The following COL4A1 variants were observed in gnomAD, a reference collection of about 807,000 sequenced individuals.
COL4A1 encodes the protein collagen type IV alpha 1 chain, also known as collagen alpha-1(IV) chain.
A neutral mutation model predicts 216.6 loss-of-function variants in COL4A1; 40 were observed. The observed-to-expected ratio is 0.18, with a 90% CI of 0.14 to 0.24. The LOEUF is 0.24. Ranked by LOEUF, COL4A1 falls within the 10% of genes least tolerant of loss-of-function variation. The pLI, the probability that COL4A1 is intolerant of heterozygous loss-of-function variation, is 1.00. For missense variants in COL4A1, 1,628 were observed against 2,196.8 expected, an observed-to-expected ratio of 0.74 and a Z score of 5.18; for synonymous variants, 839 against 810.7, an observed-to-expected ratio of 1.03 and a Z score of -0.59.
intron 8 of COL4A1, among the ~76,000 whole-genome samples, chr13:110,210,848 A>C (rs1380189560): frequency 1.3e-5 from 2 of 151,968 alleles, no homozygotes; most frequent in African/African-American, 2.4e-5. Flanking sequence ...CTGCCCACAC[A>C]CCACCTTCAG....
In COL4A1 at chr13:110,213,310, A is replaced by G. The variant is rs147346801; in HGVS notation, c.279+472T>C. Among the ~76,000 whole-genome samples the G allele has an allele frequency of 2.7e-3, 412 of 152,362 alleles. 3 individuals are homozygous for G. The highest frequency in any genetic ancestry group is 8.7e-3 in the African/African-American group (360 of 41,586). On this transcript the variant is annotated intron_variant, in intron 4 of 51. Coordinates refer to ENST00000375820, the MANE Select transcript of COL4A1 (RefSeq NM_001845.6). Reference sequence around the variant, plus strand: ...ATAAGTTTTTAAAAGCTGACTGCTGATCCCTTCAAACATAAGGCTGCCCAT... The same window carrying G: ...ATAAGTTTTTAAAAGCTGACTGCTGGTCCCTTCAAACATAAGGCTGCCCAT...
chr13:110,189,282 C>T (rs1032836323), intron 24 of COL4A1, among the ~76,000 whole-genome samples: 17 of 152,342 alleles, frequency 1.1e-4, no homozygotes, highest in African/African-American at 3.4e-4. Context: ...AGGCCGGTCT[C>T]GAACTCCCGA....
chr13:110,202,068 C>A (rs180990182), intron 18 of COL4A1, among the ~76,000 whole-genome samples: 1 of 152,090 alleles, frequency 6.6e-6, no homozygotes, highest in African/African-American at 2.4e-5. Context: ...GCCAGGCAGG[C>A]GGTTCTGCTT....
At position 110,161,218 on chromosome 13, in the gene COL4A1, C is replaced by T. The variant is rs2138427633; in HGVS notation, c.4614G>A (p.Gly1538=). ...TACTAATAAATGGTCTTATGTTTTC[C>T]CCCGTGATGGGTGCCATTGACATGG... ...PMPMSMAPIT[G]ENIRPFISRC... Residue 1538 remains glycine (G), a synonymous_variant, in exon 49 of 52, where the codon GGG becomes GGA. Coordinates refer to ENST00000375820, the MANE Select transcript of COL4A1 (RefSeq NM_001845.6). 1 of 1,614,194 alleles carries T rather than the reference C, an allele frequency of 6.2e-7. No individual in the cohort carries two copies.
At chr13:110,212,327 C>A in intron 6 of COL4A1, 90 bp downstream of exon 6, 1 of 1,489,644 alleles carries the variant, frequency 6.7e-7, no homozygotes, top group Non-Finnish European at 9.3e-7. Context: ...GCAAATAAAA[C>A]TCTATTAACA....
chr13:110,169,668 G>A lies in COL4A1; in HGVS notation c.3837C>T (p.Val1279=), dbSNP rs1877515585. Residue 1279 remains valine, a synonymous_variant, in exon 43 of 52, where the codon GTC becomes GTT. Coordinates refer to ENST00000375820, the MANE Select transcript of COL4A1 (RefSeq NM_001845.6). ...GNPGWPGAPG[V]PGPKGDPGFQ... Reference sequence around the variant, plus strand: ...ATCCAGGGTCTCCCTTGGGCCCTGGGACACCGGGTGCTCCTGGCCAGCCTG... The same window carrying A: ...ATCCAGGGTCTCCCTTGGGCCCTGGAACACCGGGTGCTCCTGGCCAGCCTG... The A allele has an allele frequency of 6.2e-6, 10 of 1,614,120 alleles. No homozygotes were observed. Among genetic ancestry groups the A allele is most frequent in the Non-Finnish European group, 8.5e-6 (10 of 1,180,022 alleles).
Position 110,179,004 on chromosome 13 carries a change from C to A in COL4A1, c.2377G>T (p.Val793Leu), listed in dbSNP as rs769302846. 1.2e-6 allele frequency: 2 copies of A among 1,611,490 alleles called. No individual in the cohort carries two copies. The highest frequency in any genetic ancestry group is 1.3e-5 in the African/African-American group (1 of 74,840). Residue 793 changes from valine (V) to leucine (L), a missense_variant, in exon 31 of 52, where the codon GTG becomes TTG. By Grantham distance (32) the Val-to-Leu change is conservative. This residue lies in a region of COL4A1 where 701 missense variants were observed against 892.5 expected (regional missense o/e 0.79). Coordinates refer to ENST00000375820, the MANE Select transcript of COL4A1 (RefSeq NM_001845.6). ...EPGPPGLPGS[V>L]GSPGVPGIGP... is the part of the protein sequence containing the mutation. ...ATTCCTGGAACTCCTGGAGACCCCA[C>A]GGAGCCTGGCAATCCAGGAGGTCCC...
intron 37 of COL4A1, 106 bp downstream of exon 37, chr13:110,175,112 T>A (rs1877821785): frequency 7.1e-7 from 1 of 1,398,678 alleles, no homozygotes. Flanking sequence ...GGACTCCCTG[T>A]GTGTTATGGC....
Position 110,259,421 on chromosome 13 carries a change from G to A in COL4A1, c.85-16687C>T, listed in dbSNP as rs140603937. ...TACTACTTAAAAAAAATTTTTAAGC[G>A]TGTCTACAAAATCTAGGTGGAGCAA... On this transcript the variant is annotated intron_variant, in intron 1 of 51. Transcript: ENST00000375820. 2.2e-4 allele frequency among the ~76,000 whole-genome samples: 34 copies of A among 152,222 alleles called. No individual in the cohort carries two copies. In the East Asian group the frequency reaches 5.6e-3, roughly 25 times the overall value.
intron 15 of COL4A1, among the ~76,000 whole-genome samples, chr13:110,206,182 G>A (rs1332166837): frequency 6.6e-6 from 1 of 152,246 alleles, no homozygotes; most frequent in East Asian, 1.9e-4. Flanking sequence ...TTATGCAAAT[G>A]CTTCATTTAA....
At chr13:110,219,902 G>GTATATATGTGTGTATATATATGTA (rs1880374416) in intron 2 of COL4A1, among the ~76,000 whole-genome samples, 1 of 108,368 alleles carries the variant, frequency 9.2e-6, no homozygotes, top group African/African-American at 3.7e-5. Flanking sequence ...GTATATATAT[G>GTATATATGTGTGTATATATATGTA]TATATATATG....
intron 40 of COL4A1, 64 bp downstream of exon 40, chr13:110,173,836 A>G (rs989495576): frequency 6.3e-7 from 1 of 1,586,176 alleles, no homozygotes; most frequent in Non-Finnish European, 8.7e-7. Flanking sequence ...GAACACAGGC[A>G]GTCTGCAGGT....
At position 110,205,551 on chromosome 13, in the gene COL4A1, G is replaced by T. The variant is rs1879467140; in HGVS notation, c.859-13C>A. 6.2e-7 allele frequency: 1 copy of T among 1,613,228 alleles called. No individual in the cohort carries two copies. Among genetic ancestry groups the T allele is most frequent in the South Asian group, 1.1e-5 (1 of 91,054 alleles). ...TTCCGGGTTTGCCCTGTAGAATAAA[G>T]ATGTAAACGTTAGTATTTAATAAAT... On this transcript the variant is annotated splice_polypyrimidine_tract_variant and intron_variant, in intron 15 of 51. Coordinates refer to ENST00000375820, the MANE Select transcript of COL4A1 (RefSeq NM_001845.6).
At chr13:110,194,610 A>G (rs1878795198) in intron 22 of COL4A1, among the ~76,000 whole-genome samples, 2 of 152,318 alleles carry the variant, frequency 1.3e-5, no homozygotes, top group African/African-American at 4.8e-5. Context: ...CCACTGGAAG[A>G]ATTGGTGAGC....
At chr13:110,155,175 A>C (rs1876716534) in intron 50 of COL4A1, 108 bp downstream of exon 50, 3 of 820,876 alleles carry the variant, frequency 3.7e-6, no homozygotes, top group Non-Finnish European at 6.4e-6. Context: ...GAGGGGCTTA[A>C]GCAGCGAGAT....
At chr13:110,168,983 A>G (rs1433968140) in intron 43 of COL4A1, among the ~76,000 whole-genome samples, 1 of 152,150 alleles carries the variant, frequency 6.6e-6, no homozygotes, top group Non-Finnish European at 1.5e-5. Context: ...AATCAAACCA[A>G]AGATCCATGA....
At chr13:110,244,828 G>A (rs933875393) in intron 1 of COL4A1, among the ~76,000 whole-genome samples, 1 of 152,112 alleles carries the variant, frequency 6.6e-6, no homozygotes, top group Non-Finnish European at 1.5e-5. Flanking sequence ...GACACCAATT[G>A]TAAAACCCAT....
In COL4A1 at chr13:110,273,820, C is replaced by T. The variant is rs555596361; in HGVS notation, c.85-31086G>A. Among the ~76,000 whole-genome samples the T allele has an allele frequency of 5.2e-4, 79 of 152,248 alleles. 1 individual carries two copies. The highest frequency in any genetic ancestry group is 1.8e-3 in the African/African-American group (76 of 41,546). On this transcript the variant is annotated intron_variant, in intron 1 of 51. Coordinates refer to ENST00000375820, the MANE Select transcript of COL4A1 (RefSeq NM_001845.6). Reference sequence around the variant, plus strand: ...AGGGCAACTAATCAGTCAAGTGAGGCTGAAACTTGTTCAGGGTTGCAGACG... The same window carrying T: ...AGGGCAACTAATCAGTCAAGTGAGGTTGAAACTTGTTCAGGGTTGCAGACG...
Position 110,203,744 on chromosome 13 carries a change from CTCAT to C in COL4A1, c.958-141_958-138del, listed in dbSNP as rs899489720. On this transcript the variant is annotated intron_variant, in intron 17 of 51. Transcript: ENST00000375820. ...AACTATTTTTCTCTCTTTAATATCT[CTCAT>C]TCTGTGACGATTACAACAAAAATGA... 49 of 871,204 alleles carry C rather than the reference CTCAT, an allele frequency of 5.6e-5. No homozygotes were observed. The African/African-American group carries it at 6.5e-4, about 12-fold the overall frequency. The allele number at this position is 871,204 out of a possible 1,614,324, so 54.0% of individuals were successfully genotyped here.
Sources: gnomAD v4.1 joint callset for allele counts (sites outside exome capture counted in the v4.1 genomes callset) on GRCh38, gnomAD v4.1.1 for gene constraint, gnomAD v4.1.1 regional missense constraint, MANE v1.5 for transcripts, NCBI Gene and HGNC (gene_info 2026-07-23, HGNC 2026-07-21) for gene names.